Variants in GPHN observed in about 807,000 individuals in gnomAD.
The protein encoded by GPHN is gephyrin.
Under a neutral mutation model 95.5 loss-of-function variants are expected in GPHN, and 17 were observed. The observed-to-expected ratio is 0.18, with a 90% CI of 0.12 to 0.27. The LOEUF (loss-of-function observed/expected upper bound fraction) is 0.27, where lower values mean the gene tolerates loss of function less well. Ranked by LOEUF, GPHN falls within the 10% of genes least tolerant of loss-of-function variation. The probability of loss-of-function intolerance (pLI) is 1.00; values close to 1 mark genes in which losing one functional copy is unlikely to be tolerated. For synonymous variants in GPHN, 320 were observed against 322.5 expected (o/e 0.99, Z 0.08); for missense variants, 660 against 978.1 (o/e 0.67, Z 4.34).
chr14:66,590,466 G>C (rs2061593615), intron 1 of GPHN, among the ~76,000 whole-genome samples: 1 of 152,064 alleles, frequency 6.6e-6, no homozygotes, highest in Non-Finnish European at 1.5e-5. Flanking sequence ...AAATGATAAA[G>C]GGGATATCAC....
At chr14:67,663,838 G>A in the GPHN span, among the ~76,000 whole-genome samples, 1 of 152,110 alleles carries the variant, frequency 6.6e-6, no homozygotes, top group Admixed American at 6.6e-5. Context: ...TGAGGTTCTG[G>A]TGCCAGGTTC....
chr14:67,137,467 A>G (rs2080159199), intron 17 of GPHN, among the ~76,000 whole-genome samples: 1 of 151,934 alleles, frequency 6.6e-6, no homozygotes, highest in African/African-American at 2.4e-5. Context: ...AAAAAGAAAA[A>G]AAGAATTATT....
the GPHN span, among the ~76,000 whole-genome samples, chr14:67,540,977 T>C: frequency 6.6e-6 from 1 of 152,236 alleles, no homozygotes; most frequent in African/African-American, 2.4e-5. Context: ...TGATTTGTTC[T>C]GAATTTGTAC....
intron 8 of GPHN, among the ~76,000 whole-genome samples, chr14:66,941,393 A>G (rs1020876190): frequency 3.3e-5 from 5 of 152,164 alleles, no homozygotes; most frequent in African/African-American, 1.2e-4. Context: ...ATGGAACTCT[A>G]TTCCACAAGG....
intron 18 of GPHN, among the ~76,000 whole-genome samples, chr14:67,144,717 TA>T (rs1567401786): frequency 6.6e-6 from 1 of 152,220 alleles, no homozygotes; most frequent in African/African-American, 2.4e-5. Flanking sequence ...CCTAAATTTA[TA>T]ACCTGACTCT....
the GPHN span, among the ~76,000 whole-genome samples, chr14:67,222,999 C>CT: frequency 0.22 from 27,604 of 124,676 alleles, 5,261 homozygotes; most frequent in African/African-American, 0.48. Context: ...TCCCATTGGG[C>CT]TTTTTTTTTT....
At chr14:67,291,790 A>G in the GPHN span, among the ~76,000 whole-genome samples, 45 of 152,232 alleles carry the variant, frequency 3.0e-4, no homozygotes, top group African/African-American at 1.1e-3. Flanking sequence ...TACTAGTCAA[A>G]TAAATGGAAG....
At chr14:67,598,810 A>G in the GPHN span, among the ~76,000 whole-genome samples, 1 of 151,020 alleles carries the variant, frequency 6.6e-6, no homozygotes, top group Non-Finnish European at 1.5e-5. Flanking sequence ...CCCAGGTTCA[A>G]GCGATTCTCC....
chr14:67,303,104 G>A, the GPHN span, among the ~76,000 whole-genome samples: 1 of 152,336 alleles, frequency 6.6e-6, no homozygotes, highest in African/African-American at 2.4e-5. Flanking sequence ...CTGAGAAGCA[G>A]TATGTAGCTA....
chr14:67,107,541 G>C (rs1021940579), intron 13 of GPHN, among the ~76,000 whole-genome samples: 1 of 152,166 alleles, frequency 6.6e-6, no homozygotes, highest in Non-Finnish European at 1.5e-5. Context: ...AAAAGGTTTT[G>C]GCCAGGGGAG....
the GPHN span, among the ~76,000 whole-genome samples, chr14:67,526,555 A>G: frequency 6.6e-6 from 1 of 152,202 alleles, no homozygotes; most frequent in African/African-American, 2.4e-5. Context: ...CCTTCCCTGA[A>G]ACGACGCAAA....
chr14:67,203,076 C>T, the GPHN span: 1 of 1,607,108 alleles, frequency 6.2e-7, no homozygotes. Flanking sequence ...AACGCCTTTT[C>T]CTGTTTTCTG....
the GPHN span, chr14:67,312,497 A>G: frequency 8.5e-6 from 12 of 1,403,664 alleles, no homozygotes; most frequent in South Asian, 1.7e-4. Context: ...ATTGCCATTT[A>G]TTGTTGTTTT....
the GPHN span, among the ~76,000 whole-genome samples, chr14:67,564,967 G>A: frequency 7.9e-5 from 12 of 152,020 alleles, no homozygotes; most frequent in East Asian, 1.9e-4. Flanking sequence ...CTGGGATTAC[G>A]GGTGTGAGCC....
At chr14:67,293,833 GT>G in the GPHN span, among the ~76,000 whole-genome samples, 1 of 152,148 alleles carries the variant, frequency 6.6e-6, no homozygotes, top group Non-Finnish European at 1.5e-5. Context: ...TAGGAGGAAG[GT>G]TTGTCCAGCT....
intron 1 of GPHN, among the ~76,000 whole-genome samples, chr14:66,584,310 T>A (rs1429163253): frequency 2.6e-5 from 4 of 152,020 alleles, no homozygotes; most frequent in Admixed American, 1.3e-4. Context: ...GGTTTTCTAG[T>A]TATACAATCT....
intron 8 of GPHN, among the ~76,000 whole-genome samples, chr14:66,942,859 A>G (rs780465712): frequency 6.6e-6 from 1 of 152,232 alleles, no homozygotes; most frequent in South Asian, 2.1e-4. Context: ...TGGGAAGCCT[A>G]TTAAATATAT....
rs1156347769 is a variant in GPHN at position 66,718,279 on chromosome 14, C to T, written c.143+37094C>T. The stretch of plus-strand genomic sequence containing the variant: ...GGAGTTTCTTCCTTCTGGTGGGTCT[C>T]GCTGACTTCAGGAATGAAGCCGCAG... On this transcript the variant is annotated intron_variant, in intron 2 of 22. Transcript: ENST00000478722. Among the ~76,000 whole-genome samples the T allele has an allele frequency of 2.6e-5, 4 of 152,046 alleles. No homozygotes were observed. In the East Asian group the frequency reaches 5.8e-4, roughly 22 times the overall value.
At chr14:67,610,397 C>T in the GPHN span, among the ~76,000 whole-genome samples, 7 of 152,242 alleles carry the variant, frequency 4.6e-5, no homozygotes, top group East Asian at 1.4e-3. Flanking sequence ...GTTCGGAGAT[C>T]GAAGCCACAT....
Sources: allele counts gnomAD v4.1 joint callset (sites outside exome capture counted in the v4.1 genomes callset), GRCh38; gene constraint gnomAD v4.1.1; transcripts MANE v1.5; gene names NCBI Gene and HGNC (gene_info 2026-07-23, HGNC 2026-07-21).